The following SMIM10L3 variants were observed in gnomAD, a reference collection of about 807,000 sequenced individuals.
SMIM10L3 encodes the protein salivary gland specific protein SAGSIN1.
At chr7:6,343,335 C>T in the SMIM10L3 span, among the ~76,000 whole-genome samples, 1 of 148,464 alleles carries the variant, frequency 6.7e-6, no homozygotes, top group Non-Finnish European at 1.5e-5. Flanking sequence ...CAAAATCACA[C>T]CACTGCACTC....
At chr7:6,335,682 A>G in the SMIM10L3 span, among the ~76,000 whole-genome samples, 1 of 152,166 alleles carries the variant, frequency 6.6e-6, no homozygotes, top group African/African-American at 2.4e-5. Context: ...CTTGTGGGAC[A>G]TGCTGAAAAG....
chr7:6,333,537 C>G, the SMIM10L3 span, among the ~76,000 whole-genome samples: 2 of 152,144 alleles, frequency 1.3e-5, no homozygotes, highest in South Asian at 2.1e-4. Context: ...CTCACTCTGC[C>G]TCCCAGGCTG....
At chr7:6,330,819 C>G in the SMIM10L3 span, 1 of 1,614,178 alleles carries the variant, frequency 6.2e-7, no homozygotes, top group South Asian at 1.1e-5. Context: ...GAGCAAAACA[C>G]TCTGTTGGAG....
At chr7:6,348,923 G>A in the SMIM10L3 span, 2 of 384,380 alleles carry the variant, frequency 5.2e-6, no homozygotes, top group East Asian at 3.8e-5. Flanking sequence ...GCTCGGAGAA[G>A]TGCCTCCGCG....
chr7:6,333,157 A>G, the SMIM10L3 span, among the ~76,000 whole-genome samples: 2 of 134,880 alleles, frequency 1.5e-5, no homozygotes, highest in Admixed American at 1.7e-4. Context: ...CTCCATCCCA[A>G]ATAAAAAAAT....
the SMIM10L3 span, chr7:6,330,765 C>G: frequency 6.2e-7 from 1 of 1,614,050 alleles, no homozygotes. Context: ...CTCCTCCCAG[C>G]CAGTCTCGCC....
the SMIM10L3 span, among the ~76,000 whole-genome samples, chr7:6,336,464 T>TGAGGTCAGGAGTTTGAGACCAGCCTGGCC: frequency 6.6e-6 from 1 of 152,058 alleles, no homozygotes; most frequent in African/African-American, 2.4e-5. Context: ...GCAGATCTCT[T>TGAGGTCAGGAGTTTGAGACCAGCCTGGCC]GAGGTCAGGA....
the SMIM10L3 span, among the ~76,000 whole-genome samples, chr7:6,337,843 A>C: frequency 6.6e-6 from 1 of 151,280 alleles, no homozygotes; most frequent in Non-Finnish European, 1.5e-5. Context: ...TTGCTCTGTC[A>C]CCCAGGCTGG....
the SMIM10L3 span, chr7:6,331,203 C>A: frequency 6.5e-7 from 1 of 1,546,794 alleles, no homozygotes; most frequent in South Asian, 1.2e-5. Flanking sequence ...CTTCGTCAGT[C>A]TGGGAGGGCC....
At chr7:6,342,339 G>C in the SMIM10L3 span, among the ~76,000 whole-genome samples, 1 of 151,946 alleles carries the variant, frequency 6.6e-6, no homozygotes, top group East Asian at 1.9e-4. Context: ...GAGCCCAGGA[G>C]CTGGAGACCA....
At chr7:6,338,436 A>C in the SMIM10L3 span, among the ~76,000 whole-genome samples, 21 of 152,200 alleles carry the variant, frequency 1.4e-4, no homozygotes, top group African/African-American at 5.1e-4. Context: ...AGACCACCAG[A>C]ATGATGGAAG....
chr7:6,342,971 A>G, the SMIM10L3 span, among the ~76,000 whole-genome samples: 2 of 151,678 alleles, frequency 1.3e-5, no homozygotes, highest in African/African-American at 4.8e-5. Context: ...CAGGAGCTGG[A>G]GGCTGTAGTG....
the SMIM10L3 span, among the ~76,000 whole-genome samples, chr7:6,333,826 C>G: frequency 2.1e-5 from 3 of 143,340 alleles, no homozygotes; most frequent in Non-Finnish European, 4.5e-5. Context: ...AGAATGGTCT[C>G]GAACTCCTGG....
the SMIM10L3 span, among the ~76,000 whole-genome samples, chr7:6,333,506 T>C: frequency 1.3e-5 from 2 of 152,194 alleles, no homozygotes; most frequent in Admixed American, 6.6e-5. Flanking sequence ...ATTGTTGTTG[T>C]TGCTGTTTTT....
chr7:6,345,636 G>A, the SMIM10L3 span, among the ~76,000 whole-genome samples: 1 of 152,132 alleles, frequency 6.6e-6, no homozygotes, highest in Non-Finnish European at 1.5e-5. Context: ...CCATTCTTGT[G>A]ATTTTTACAA....
At chr7:6,334,795 A>T in the SMIM10L3 span, among the ~76,000 whole-genome samples, 2 of 118,870 alleles carry the variant, frequency 1.7e-5, no homozygotes, top group East Asian at 5.0e-4. Context: ...TTTGAAATGG[A>T]GTTTCACTCG....
chr7:6,341,582 C>T, the SMIM10L3 span, among the ~76,000 whole-genome samples: 10 of 147,946 alleles, frequency 6.8e-5, no homozygotes, highest in East Asian at 1.4e-3. Context: ...CCCAGCTACT[C>T]GGGAGGCTGA....
chr7:6,333,105 C>T, the SMIM10L3 span, among the ~76,000 whole-genome samples: 11,096 of 150,274 alleles, frequency 0.074, 549 homozygotes, highest in Non-Finnish European at 0.11. Flanking sequence ...TGCAGTGAGC[C>T]GAGATCCCAC....
the SMIM10L3 span, among the ~76,000 whole-genome samples, chr7:6,334,814 G>A: frequency 2.0e-5 from 3 of 150,782 alleles, no homozygotes; most frequent in Non-Finnish European, 4.4e-5. Flanking sequence ...CGTTACCCAG[G>A]CTGGAGTACA....
Sources: gnomAD v4.1 joint callset for allele counts (sites outside exome capture counted in the v4.1 genomes callset) on GRCh38, gnomAD v4.1.1 for gene constraint, MANE v1.5 for transcripts, NCBI Gene and HGNC (gene_info 2026-07-23, HGNC 2026-07-21) for gene names.